Variants in ANKHD1 observed in about 807,000 individuals in gnomAD.
ANKHD1 encodes ankyrin repeat and KH domain-containing protein 1.
A neutral mutation model predicts 230.5 loss-of-function variants in ANKHD1; 31 were observed. The observed-to-expected ratio is 0.13, with a 90% confidence interval of 0.10 to 0.18. ANKHD1 has a LOEUF of 0.18. Among genes scored for constraint, ANKHD1 ranks in the 10% least tolerant of loss-of-function variants. The pLI is 1.00. For missense variants in ANKHD1, 2,256 were observed against 3,071.3 expected (o/e 0.73, Z 6.27); for synonymous variants, 1,074 against 1,117.6 (o/e 0.96, Z 0.78).
chr5:140,479,473 A>G (rs1751148167), intron 10 of ANKHD1, among the ~76,000 whole-genome samples: 1 of 152,140 alleles, frequency 6.6e-6, no homozygotes, highest in Non-Finnish European at 1.5e-5. Context: ...AATAGTGGCT[A>G]TATGACTAAA....
rs1429408115 is a variant in ANKHD1, at chr5:140,464,728, T to C, written c.1734T>C (p.Asn578=). The C allele has an allele frequency of 1.2e-6, 2 of 1,609,064 alleles. No homozygotes were observed. Among genetic ancestry groups the C allele is most frequent in the East Asian group, 2.2e-5 (1 of 44,754 alleles). Residue 578 remains asparagine (N), a synonymous_variant, in exon 10 of 34, where the codon AAT becomes AAC. Transcript: ENST00000360839. Reference sequence around the variant, plus strand: ...CAGCCTTAACCTATGCTTGTGAAAATGGACATACGGATGTTGCAGATGTTT... The same window carrying C: ...CAGCCTTAACCTATGCTTGTGAAAACGGACATACGGATGTTGCAGATGTTT... ...GDTALTYACE[N]GHTDVADVLL...
intron 15 of ANKHD1, among the ~76,000 whole-genome samples, chr5:140,497,877 CCACA>C (rs36224738): frequency 0.046 from 6,584 of 144,516 alleles, 140 homozygotes; most frequent in African/African-American, 0.062. Flanking sequence ...CCACACCACA[CCACA>C]CACACACACA....
At chr5:140,438,411 C>CTT in intron 2 of ANKHD1, 50 bp from the exon 3 acceptor site, 28 of 1,272,294 alleles carry the variant, frequency 2.2e-5, no homozygotes, top group South Asian at 6.8e-5. Context: ...CACTTTTATA[C>CTT]TTTTTTTTTT....
intron 1 of ANKHD1, among the ~76,000 whole-genome samples, chr5:140,432,079 T>C (rs185421461): frequency 6.6e-4 from 101 of 152,330 alleles, no homozygotes; most frequent in Admixed American, 1.4e-3. Context: ...CCTTATATCT[T>C]TTAAAAATTG....
At chr5:140,457,210 G>C (rs1475846720) in intron 7 of ANKHD1, among the ~76,000 whole-genome samples, 1 of 152,240 alleles carries the variant, frequency 6.6e-6, no homozygotes, top group Non-Finnish European at 1.5e-5. Flanking sequence ...AACAACAGGT[G>C]CTGGAGAGGA....
chr5:140,433,140 C>T (rs1459029780), intron 1 of ANKHD1, among the ~76,000 whole-genome samples: 1 of 152,024 alleles, frequency 6.6e-6, no homozygotes, highest in Non-Finnish European at 1.5e-5. Context: ...ACAGTCTCAG[C>T]TCACTGCAAC....
At chr5:140,456,422 A>C (rs544818980) in intron 7 of ANKHD1, among the ~76,000 whole-genome samples, 2 of 152,344 alleles carry the variant, frequency 1.3e-5, no homozygotes, top group South Asian at 4.1e-4. Flanking sequence ...AAGCCAAAAG[A>C]ACAAAGCTGG....
At chr5:140,429,047 A>G (rs1772801840) in intron 1 of ANKHD1, among the ~76,000 whole-genome samples, 1 of 150,196 alleles carries the variant, frequency 6.7e-6, no homozygotes, top group Admixed American at 6.6e-5. Context: ...TGGCCTCCCA[A>G]AGTGCTGGGA....
intron 7 of ANKHD1, among the ~76,000 whole-genome samples, chr5:140,450,115 A>G (rs985044304): frequency 6.6e-6 from 1 of 152,348 alleles, no homozygotes; most frequent in African/African-American, 2.4e-5. Context: ...AAGCATTCTG[A>G]TAAGTATTTA....
chr5:140,468,448 G>A (rs928057489), intron 10 of ANKHD1, among the ~76,000 whole-genome samples: 2 of 151,906 alleles, frequency 1.3e-5, no homozygotes, highest in Admixed American at 6.6e-5. Context: ...ATTTAGACAT[G>A]GGTACATTAG....
At chr5:140,486,822 T>C (rs1420976969) in intron 13 of ANKHD1, 136 bp from the exon 14 acceptor site, 8 of 826,142 alleles carry the variant, frequency 9.7e-6, no homozygotes, top group Non-Finnish European at 1.4e-5. Flanking sequence ...GAAAGCTTTT[T>C]TTAAAAAAAG....
chr5:140,460,826 C>T (rs1029411794), intron 9 of ANKHD1, among the ~76,000 whole-genome samples: 1 of 152,098 alleles, frequency 6.6e-6, no homozygotes, highest in Non-Finnish European at 1.5e-5. Flanking sequence ...CGGCCTTAAA[C>T]CAGATTGTGA....
intron 6 of ANKHD1, among the ~76,000 whole-genome samples, chr5:140,448,211 A>G (rs1431640611): frequency 6.6e-6 from 1 of 152,198 alleles, no homozygotes; most frequent in African/African-American, 2.4e-5. Flanking sequence ...GTGAGAAAGA[A>G]TAAGAGAGTG....
intron 9 of ANKHD1, 68 bp from the exon 10 acceptor site, chr5:140,464,599 T>C (rs1454464049): frequency 1.5e-6 from 2 of 1,319,264 alleles, no homozygotes; most frequent in Non-Finnish European, 2.0e-6. Context: ...TTCACCAGAT[T>C]GCAAAATTGG....
chr5:140,404,408 C>CT (rs200461116), intron 1 of ANKHD1, among the ~76,000 whole-genome samples: 5 of 150,140 alleles, frequency 3.3e-5, no homozygotes, highest in South Asian at 2.1e-4. Flanking sequence ...ACTCATTTGC[C>CT]TTTTTTTTTA....
intron 5 of ANKHD1, among the ~76,000 whole-genome samples, 186 bp from the exon 6 acceptor site, chr5:140,445,556 A>G (rs1774215564): frequency 6.6e-6 from 1 of 152,178 alleles, no homozygotes; most frequent in East Asian, 1.9e-4. Context: ...GATAACGAAA[A>G]AAAGTTGAGA....
intron 14 of ANKHD1, among the ~76,000 whole-genome samples, chr5:140,489,632 T>A (rs1436442603): frequency 1.3e-5 from 2 of 152,248 alleles, no homozygotes; most frequent in African/African-American, 4.8e-5. Context: ...TTTTTTAAGT[T>A]TATACTCTAG....
intron 1 of ANKHD1, among the ~76,000 whole-genome samples, chr5:140,425,529 G>T (rs1772338371): frequency 6.6e-6 from 1 of 151,666 alleles, no homozygotes; most frequent in African/African-American, 2.4e-5. Context: ...TAAGTGCTGG[G>T]ATTACAGGCA....
At chr5:140,520,208 G>A (rs1056228387) in intron 24 of ANKHD1, among the ~76,000 whole-genome samples, 4,097 of 152,220 alleles carry the variant, frequency 0.027, 197 homozygotes, top group African/African-American at 0.095. Context: ...TCAGAGAAAC[G>A]CAAATCAAAA....
Sources: allele counts gnomAD v4.1 joint callset (sites outside exome capture counted in the v4.1 genomes callset), GRCh38; gene constraint gnomAD v4.1.1; transcripts MANE v1.5; gene names NCBI Gene and HGNC (gene_info 2026-07-23, HGNC 2026-07-21).